ATP1A2: variants seen among roughly 807,000 people sequenced by gnomAD.
The protein encoded by ATP1A2 is ATPase Na+/K+ transporting subunit alpha 2.
ATP1A2 carries 56 observed loss-of-function variants against 113.1 expected under a neutral mutation model. The observed-to-expected ratio is 0.49, with a 90% CI of 0.40 to 0.62. The LOEUF (loss-of-function observed/expected upper bound fraction) is 0.62. Ranked by LOEUF, ATP1A2 falls within the 20% of genes least tolerant of loss-of-function variation. The pLI is 0.00. For synonymous variants in ATP1A2, 490 were observed against 526.8 expected, an observed-to-expected ratio of 0.93 and a Z score of 0.96; for missense variants, 712 against 1,357.8, an observed-to-expected ratio of 0.52 and a Z score of 7.47.
chr1:160,136,874 A>G (rs1314585426), intron 19 of ATP1A2, 27 bp from the exon 20 acceptor site: 3 of 1,614,204 alleles, frequency 1.9e-6, no homozygotes, highest in East Asian at 2.2e-5. Context: ...CGACACTCTC[A>G]TCTGTCTCTG....
intron 20 of ATP1A2, among the ~76,000 whole-genome samples, chr1:160,139,278 A>G (rs1652057073): frequency 6.6e-6 from 1 of 152,198 alleles, no homozygotes; most frequent in Non-Finnish European, 1.5e-5. Flanking sequence ...GCTTTCAAGC[A>G]TCTTGCTGGG....
rs1334001253 is a variant in ATP1A2 at position 160,123,978 on chromosome 1, T to A, written c.417T>A (p.Ile139=). The part of the protein sequence containing the change: ...YLGVVLAAVV[I]VTGCFSYYQE... ...GTGTGGTGCTGGCAGCTGTGGTCAT[T>A]GTCACTGGCTGCTTCTCCTACTACC... is the stretch of plus-strand genomic sequence containing the variant. Residue 139 remains isoleucine, a synonymous_variant, in exon 5 of 23, where the codon ATT becomes ATA. Transcript: ENST00000361216. The A allele has an allele frequency of 1.2e-6, 2 of 1,614,198 alleles. No homozygotes were observed. The highest frequency in any genetic ancestry group is 4.5e-5 in the East Asian group (2 of 44,872).
intron 7 of ATP1A2, among the ~76,000 whole-genome samples, chr1:160,127,042 T>C (rs1558005132): frequency 6.6e-6 from 1 of 152,024 alleles, no homozygotes; most frequent in Non-Finnish European, 1.5e-5. Flanking sequence ...GGCTCCAATG[T>C]GCATGCTTTT....
chr1:160,121,287 G>A, intron 3 of ATP1A2, 36 bp downstream of exon 3: 2 of 1,611,246 alleles, frequency 1.2e-6, no homozygotes, highest in Non-Finnish European at 1.7e-6. Context: ...GAACAAAAGA[G>A]GCAAGAAAAC....
At chr1:160,140,282 C>T (rs547878736) in intron 22 of ATP1A2, among the ~76,000 whole-genome samples, 4 of 152,260 alleles carry the variant, frequency 2.6e-5, no homozygotes, top group South Asian at 2.1e-4. Context: ...CCTAGTCCCA[C>T]GTCCATATTT....
rs113878114 is a variant in ATP1A2, at chr1:160,135,751, C to T, written c.2285-88C>T. 2.5e-6 allele frequency: 4 copies of T among 1,611,254 alleles called. No individual in the cohort carries two copies. In the African/African-American group the frequency reaches 5.3e-5, roughly 21 times the overall value. ...TCCCTTGAACACAAAATCTTCCTCT[C>T]TTGGGAAGACAGGCAGCCATGCTTC... On this transcript the variant is annotated intron_variant, in intron 16 of 22. Transcript: ENST00000361216. This position sits in a 1 kb window ranked among gnomAD's most constrained non-coding sequence, Gnocchi z 6.3.
intron 3 of ATP1A2, 61 bp from the exon 4 acceptor site, chr1:160,123,152 C>A (rs1651470755): frequency 6.3e-7 from 1 of 1,581,244 alleles, no homozygotes; most frequent in East Asian, 2.2e-5. Flanking sequence ...AAGGGATGGG[C>A]ATGGTGACTG....
At chr1:160,129,541 G>A (rs1651701867) in intron 11 of ATP1A2, 141 bp downstream of exon 11, 1 of 1,306,606 alleles carries the variant, frequency 7.7e-7, no homozygotes, top group Admixed American at 1.8e-5. Flanking sequence ...CCCCAGGACA[G>A]CTCATATGAC....
chr1:160,123,472 C>A, intron 4 of ATP1A2, 56 bp downstream of exon 4: 1 of 1,608,600 alleles, frequency 6.2e-7, no homozygotes, highest in South Asian at 1.1e-5. Flanking sequence ...AACCCTGAAC[C>A]CCCAACACAG....
At chr1:160,133,445 T>G (rs964587776) in intron 13 of ATP1A2, among the ~76,000 whole-genome samples, 1 of 152,072 alleles carries the variant, frequency 6.6e-6, no homozygotes, top group Non-Finnish European at 1.5e-5. Flanking sequence ...CTAACCCAAC[T>G]CTGCTCACCT....
At position 160,129,457 on chromosome 1, in the gene ATP1A2, G is replaced by A; in HGVS notation, c.1461+57G>A. The A allele has an allele frequency of 3.1e-6, 5 of 1,600,492 alleles. No homozygotes were observed. The South Asian group carries it at 3.3e-5, about 11-fold the overall frequency. On this transcript the variant is annotated intron_variant, in intron 11 of 22. Coordinates refer to ENST00000361216, the MANE Select transcript of ATP1A2 (RefSeq NM_000702.4). ...AGAGGGATATAAATGGGTGAGGGTG[G>A]ACAAAGCCAAGGGGAATCATCACTA...
At chr1:160,116,656 C>A (rs1210294051) in intron 1 of ATP1A2, among the ~76,000 whole-genome samples, 1 of 152,018 alleles carries the variant, frequency 6.6e-6, no homozygotes, top group Non-Finnish European at 1.5e-5. Flanking sequence ...AAATGAAATT[C>A]CCATATGGAG....
chr1:160,139,314 C>T (rs1652058380), intron 20 of ATP1A2, among the ~76,000 whole-genome samples: 1 of 152,080 alleles, frequency 6.6e-6, no homozygotes, highest in Admixed American at 6.6e-5. Context: ...GGGCCCTGTG[C>T]CTGGAGCAAT....
At chr1:160,130,316 C>T (rs554332857) in intron 12 of ATP1A2, 25 bp downstream of exon 12, 16 of 1,614,048 alleles carry the variant, frequency 9.9e-6, no homozygotes, top group African/African-American at 4.0e-5. Flanking sequence ...ACAGGAGGCT[C>T]AGAAGGGGAT....
intron 21 of ATP1A2, 36 bp downstream of exon 21, chr1:160,139,777 C>G: frequency 6.2e-7 from 1 of 1,612,558 alleles, no homozygotes; most frequent in Non-Finnish European, 8.5e-7. Context: ...AGTAGTCATA[C>G]GGGGGGCCTT....
At chr1:160,128,427 C>G (rs1651653408) in intron 8 of ATP1A2, 5 of 1,336,274 alleles carry the variant, frequency 3.7e-6, no homozygotes, top group Non-Finnish European at 5.2e-6. Context: ...CTCTCTGGAG[C>G]TCTAGTCAAA....
At chr1:160,139,173 A>C (rs1652054326) in intron 20 of ATP1A2, among the ~76,000 whole-genome samples, 1 of 152,226 alleles carries the variant, frequency 6.6e-6, no homozygotes, top group Non-Finnish European at 1.5e-5. Context: ...TCCCCTTTAC[A>C]TTCTCTGAAT....
intron 8 of ATP1A2, 29 bp from the exon 9 acceptor site, chr1:160,128,622 AC>A: frequency 1.2e-6 from 2 of 1,614,146 alleles, no homozygotes; most frequent in South Asian, 1.1e-5. Context: ...TTCAGCCTTA[AC>A]CTTTTTTATT....
rs375107489 is a variant in ATP1A2, at chr1:160,135,130, C to A, written c.1965-15C>A. On this transcript the variant is annotated splice_polypyrimidine_tract_variant and intron_variant, in intron 14 of 22. Transcript: ENST00000361216. This position sits in a 1 kb window ranked among gnomAD's most constrained non-coding sequence, Gnocchi z 6.3. ...TGCCAGGGGTCAGCTGTCTCTGTCCCCACCCACCCTCCAGAGAAGCCAAGG... is the reference window on the plus strand; with the variant it reads ...TGCCAGGGGTCAGCTGTCTCTGTCCACACCCACCCTCCAGAGAAGCCAAGG... The A allele has an allele frequency of 6.2e-7, 1 of 1,613,918 alleles. No individual in the cohort carries two copies.
Sources: gnomAD v4.1 joint callset for allele counts (sites outside exome capture counted in the v4.1 genomes callset) on GRCh38, gnomAD v4.1.1 for gene constraint, Gnocchi (gnomAD v3.1) non-coding constraint, MANE v1.5 for transcripts, NCBI Gene and HGNC (gene_info 2026-07-23, HGNC 2026-07-21) for gene names.